Variants in KCNC2 observed in about 807,000 individuals in gnomAD.
The protein encoded by KCNC2 is potassium voltage-gated channel subfamily C member 2.
KCNC2 carries 21 observed loss-of-function variants against 44.5 expected under a neutral mutation model. The observed-to-expected ratio is 0.47, with a 90% CI of 0.33 to 0.68. The LOEUF (loss-of-function observed/expected upper bound fraction) is 0.68, where lower values mean the gene tolerates loss of function less well. Ranked by LOEUF, KCNC2 falls within the 30% of genes least tolerant of loss-of-function variation. The pLI is 0.01. For synonymous variants in KCNC2, 391 were observed against 339.1 expected (o/e 1.15, Z -1.68); for missense variants, 589 against 826.2 (o/e 0.71, Z 3.52).
intron 2 of KCNC2, among the ~76,000 whole-genome samples, chr12:75,097,808 A>C (rs1886062454): frequency 6.6e-6 from 1 of 152,140 alleles, no homozygotes; most frequent in African/African-American, 2.4e-5. Context: ...TTAACATCTC[A>C]AAACCAAAGT....
rs368668442 is a variant in KCNC2, at chr12:75,177,494, C to A, written c.687+29803G>T. On this transcript the variant is annotated intron_variant, in intron 2 of 4. Coordinates refer to ENST00000549446, the MANE Select transcript of KCNC2 (RefSeq NM_139137.4). ...AGTAGGTTAAAATATGATTTTTTTT[C>A]AAATTTTATGAAAATCAGAGGATAA... 2.0e-5 allele frequency among the ~76,000 whole-genome samples: 3 copies of A among 151,452 alleles called. No homozygotes were observed. The East Asian group carries it at 5.8e-4, about 29-fold the overall frequency.
chr12:75,084,269 TTAGATAGA>T (rs3073544), intron 2 of KCNC2, among the ~76,000 whole-genome samples: 1 of 120,862 alleles, frequency 8.3e-6, no homozygotes. Flanking sequence ...GATAGATAGA[TTAGATAGA>T]TAGATAGATA....
intron 2 of KCNC2, among the ~76,000 whole-genome samples, chr12:75,105,888 T>C (rs1774246187): frequency 1.3e-5 from 2 of 151,822 alleles, no homozygotes; most frequent in African/African-American, 4.8e-5. Context: ...AGGATTCATA[T>C]GCATCAGCAT....
chr12:75,066,750 A>C (rs905777606), intron 2 of KCNC2, among the ~76,000 whole-genome samples: 12 of 152,240 alleles, frequency 7.9e-5, no homozygotes, highest in Non-Finnish European at 2.9e-5. Flanking sequence ...TTCAACATTT[A>C]ACAAGACGTG....
Position 75,042,776 on chromosome 12 carries a change from A to C in KCNC2, c.*329T>G. On this transcript the variant is annotated 3_prime_UTR_variant, in exon 5 of 5. Coordinates refer to ENST00000549446, the MANE Select transcript of KCNC2 (RefSeq NM_139137.4). Reference sequence around the variant, plus strand: ...TCCAATGAAGTGGTTGGCATTTGGAAGCACACTGTTTTAAATATATCTCCC... The same window carrying C: ...TCCAATGAAGTGGTTGGCATTTGGACGCACACTGTTTTAAATATATCTCCC... 1 of 1,159,068 alleles carries C rather than the reference A, an allele frequency of 8.6e-7. No homozygotes were observed. The highest frequency in any genetic ancestry group is 1.6e-5 in the African/African-American group (1 of 62,566). The allele number at this position is 1,159,068 out of a possible 1,614,324, so 71.8% of individuals were successfully genotyped here.
chr12:75,087,024 C>T (rs1385013008), intron 2 of KCNC2, among the ~76,000 whole-genome samples: 1 of 151,962 alleles, frequency 6.6e-6, no homozygotes, highest in Admixed American at 6.6e-5. Flanking sequence ...ACTGAGGATG[C>T]AAAATTGAAT....
At chr12:75,090,754 A>G (rs1293760710) in intron 2 of KCNC2, among the ~76,000 whole-genome samples, 1 of 151,194 alleles carries the variant, frequency 6.6e-6, no homozygotes, top group Non-Finnish European at 1.5e-5. Context: ...AGCATGTAGC[A>G]AATTGTTGTT....
intron 2 of KCNC2, among the ~76,000 whole-genome samples, chr12:75,186,001 G>C (rs1892915464): frequency 1.3e-5 from 2 of 151,524 alleles, no homozygotes; most frequent in Non-Finnish European, 2.9e-5. Flanking sequence ...AGCCAAGACT[G>C]TGCCATTGCA....
At chr12:75,104,289 T>C (rs1324203853) in intron 2 of KCNC2, among the ~76,000 whole-genome samples, 1 of 152,096 alleles carries the variant, frequency 6.6e-6, no homozygotes, top group African/African-American at 2.4e-5. Flanking sequence ...AAGGGGAAGG[T>C]TCACGTCCCA....
intron 2 of KCNC2, among the ~76,000 whole-genome samples, chr12:75,127,467 A>G (rs1348028343): frequency 6.6e-6 from 1 of 152,170 alleles, no homozygotes; most frequent in Admixed American, 6.5e-5. Context: ...GAAAATATAA[A>G]TAAAAGGGAA....
At chr12:75,155,883 C>G (rs961413416) in intron 2 of KCNC2, among the ~76,000 whole-genome samples, 8 of 151,796 alleles carry the variant, frequency 5.3e-5, no homozygotes, top group African/African-American at 1.9e-4. Flanking sequence ...CAGGGGATGA[C>G]AATTTGAAAT....
At chr12:75,168,396 T>G (rs1245529764) in intron 2 of KCNC2, among the ~76,000 whole-genome samples, 1 of 151,436 alleles carries the variant, frequency 6.6e-6, no homozygotes, top group African/African-American at 2.4e-5. Flanking sequence ...GTCAGAGAAG[T>G]TAATTGCCTA....
chr12:75,186,651 A>G (rs1212706274), intron 2 of KCNC2, among the ~76,000 whole-genome samples: 1 of 152,230 alleles, frequency 6.6e-6, no homozygotes, highest in Non-Finnish European at 1.5e-5. Context: ...TATATTGAGA[A>G]ACAATTTTGC....
At chr12:75,047,600 A>T (rs1320445887) in intron 4 of KCNC2, among the ~76,000 whole-genome samples, 1 of 152,082 alleles carries the variant, frequency 6.6e-6, no homozygotes, top group African/African-American at 2.4e-5. Flanking sequence ...AAGTGATTAG[A>T]CATACTGTTC....
intron 3 of KCNC2, 135 bp from the exon 4 acceptor site, chr12:75,048,452 G>T (rs1592754745): frequency 6.8e-6 from 4 of 587,838 alleles, no homozygotes; most frequent in South Asian, 8.3e-5. Flanking sequence ...ATAAGAAAAA[G>T]AATTTTTATC....
chr12:75,058,279 C>T (rs1254545677), intron 2 of KCNC2, among the ~76,000 whole-genome samples: 1 of 151,512 alleles, frequency 6.6e-6, no homozygotes, highest in Non-Finnish European at 1.5e-5. Flanking sequence ...TGACATAAAC[C>T]AGAATTGTAA....
At chr12:75,064,178 A>C (rs772007380) in intron 2 of KCNC2, among the ~76,000 whole-genome samples, 1 of 152,062 alleles carries the variant, frequency 6.6e-6, no homozygotes, top group African/African-American at 2.4e-5. Flanking sequence ...ATGTAATCTC[A>C]ATTAAGTTCT....
At chr12:75,186,889 A>G (rs1397846445) in intron 2 of KCNC2, among the ~76,000 whole-genome samples, 2 of 152,238 alleles carry the variant, frequency 1.3e-5, no homozygotes, top group African/African-American at 4.8e-5. Flanking sequence ...CCAAATTGGT[A>G]TCTTACATCT....
At chr12:75,078,175 A>G (rs994664173) in intron 2 of KCNC2, among the ~76,000 whole-genome samples, 1 of 152,178 alleles carries the variant, frequency 6.6e-6, no homozygotes, top group African/African-American at 2.4e-5. Context: ...CACCATAACT[A>G]TAAATAAGTG....
Sources: allele counts gnomAD v4.1 joint callset (sites outside exome capture counted in the v4.1 genomes callset), GRCh38; gene constraint gnomAD v4.1.1; transcripts MANE v1.5; gene names NCBI Gene and HGNC (gene_info 2026-07-23, HGNC 2026-07-21).